The following AUTS2 variants were observed in gnomAD, a reference collection of about 807,000 sequenced individuals.
AUTS2 encodes the protein autism susceptibility gene 2 protein.
AUTS2 carries 17 observed loss-of-function variants against 112.4 expected under a neutral mutation model. The ratio of observed to expected loss-of-function variants is 0.15; its 90% CI spans 0.10 to 0.23. AUTS2 has a LOEUF of 0.23. Ranked by LOEUF, AUTS2 falls within the 10% of genes least tolerant of loss-of-function variation. AUTS2 has a pLI of 1.00. For missense variants in AUTS2, 1,510 were observed against 1,701.6 expected (o/e 0.89, Z 1.98); for synonymous variants, 751 against 702.7 (o/e 1.07, Z -1.09).
intron 14 of AUTS2, among the ~76,000 whole-genome samples, chr7:70,778,307 A>G (rs1476039617): frequency 2.0e-5 from 3 of 152,342 alleles, no homozygotes; most frequent in East Asian, 3.9e-4. Context: ...AGTAACTCCA[A>G]TAAGCTTCAC....
At chr7:69,717,475 C>T (rs1253963132) in intron 1 of AUTS2, among the ~76,000 whole-genome samples, 3 of 152,150 alleles carry the variant, frequency 2.0e-5, no homozygotes, top group African/African-American at 7.2e-5. Flanking sequence ...CTAATCTGTG[C>T]AGGCACAGAG....
intron 5 of AUTS2, among the ~76,000 whole-genome samples, chr7:70,491,609 G>T (rs1188556314): frequency 6.7e-6 from 1 of 149,298 alleles, no homozygotes; most frequent in East Asian, 2.0e-4. Flanking sequence ...GTGTGTGTGT[G>T]TGTGTGTGTG....
intron 2 of AUTS2, among the ~76,000 whole-genome samples, chr7:70,103,135 A>G (rs1804589288): frequency 1.3e-5 from 2 of 152,318 alleles, no homozygotes; most frequent in Non-Finnish European, 1.5e-5. Context: ...GAGCTATCCA[A>G]AGGAACAAAC....
chr7:70,724,774 C>G (rs1786928401), intron 6 of AUTS2, among the ~76,000 whole-genome samples: 1 of 152,146 alleles, frequency 6.6e-6, no homozygotes, highest in Non-Finnish European at 1.5e-5. Flanking sequence ...GTGTAAGGTG[C>G]TAAGGTGGTA....
At position 69,600,408 on chromosome 7, in the gene AUTS2, CGTGTGT is replaced by C. The variant is rs113179115; in HGVS notation, c.309+475_309+480del. ...TGTGCTTTCTACAGAGTCATATGTT[CGTGTGT>C]GTGTGTGTGTGTGTGTGTGTGTGTG... On this transcript the variant is annotated intron_variant, in intron 1 of 18. Transcript: ENST00000342771. Among the ~76,000 whole-genome samples, 158 of 143,390 alleles carry C rather than the reference CGTGTGT, an allele frequency of 1.1e-3. 1 individual carries two copies. Among genetic ancestry groups the C allele is most frequent in the African/African-American group, 2.3e-3 (88 of 38,690 alleles). 94.1% of individuals were successfully genotyped at this position (143,390 alleles called of 152,430 possible).
chr7:70,733,144 T>C (rs889831054), intron 6 of AUTS2, among the ~76,000 whole-genome samples: 1 of 152,210 alleles, frequency 6.6e-6, no homozygotes, highest in Non-Finnish European at 1.5e-5. Context: ...CACCGAAGTA[T>C]ATAAAAAAGT....
At chr7:69,616,488 TC>T (rs1793381780) in intron 1 of AUTS2, among the ~76,000 whole-genome samples, 1 of 152,244 alleles carries the variant, frequency 6.6e-6, no homozygotes, top group Admixed American at 6.5e-5. Flanking sequence ...ACCCCCTGAA[TC>T]CTGCCCTTTG....
chr7:70,573,564 T>TC (rs1482126210), intron 5 of AUTS2, among the ~76,000 whole-genome samples: 2 of 152,186 alleles, frequency 1.3e-5, no homozygotes, highest in African/African-American at 4.8e-5. Context: ...CATTGTGTCA[T>TC]GAAACTCAGA....
chr7:69,730,066 C>T (rs1339711001), intron 1 of AUTS2, among the ~76,000 whole-genome samples: 1 of 130,784 alleles, frequency 7.6e-6, no homozygotes, highest in Non-Finnish European at 1.5e-5. Context: ...GTCTCGAACT[C>T]CTAGGCTCAA....
At chr7:70,367,825 T>C (rs62455210) in intron 4 of AUTS2, among the ~76,000 whole-genome samples, 7,265 of 152,194 alleles carry the variant, frequency 0.048, 309 homozygotes, top group Non-Finnish European at 0.063. Flanking sequence ...TTGCTAGCTA[T>C]TATAGAAGGC....
At chr7:70,095,815 T>C (rs1804165900) in intron 2 of AUTS2, among the ~76,000 whole-genome samples, 1 of 152,138 alleles carries the variant, frequency 6.6e-6, no homozygotes, top group African/African-American at 2.4e-5. Flanking sequence ...TGGTTTGCCA[T>C]TTACGAGGAA....
Position 69,716,244 on chromosome 7 carries a change from C to CTG in AUTS2, c.309+116298_309+116299dup, listed in dbSNP as rs146299119. 1.8e-3 allele frequency among the ~76,000 whole-genome samples: 264 copies of CTG among 149,566 alleles called. 1 individual carries two copies. The highest frequency in any genetic ancestry group is 2.4e-3 in the Non-Finnish European group (158 of 66,990). On this transcript the variant is annotated intron_variant, in intron 1 of 18. Transcript: ENST00000342771. ...TGTGTGTGTGTTTGTGTGTGTGTGT[C>CTG]TGTGTGTGTGTGTGTGTATAAGTTC...
At chr7:70,625,604 C>T (rs1585398228) in intron 5 of AUTS2, among the ~76,000 whole-genome samples, 1 of 152,142 alleles carries the variant, frequency 6.6e-6, no homozygotes, top group Admixed American at 6.5e-5. Context: ...TTCTGGTAAC[C>T]GCTTGTACCA....
At position 70,095,279 on chromosome 7, in the gene AUTS2, C is replaced by T. The variant is rs540891394; in HGVS notation, c.523-22853C>T. Among the ~76,000 whole-genome samples the T allele has an allele frequency of 6.6e-5, 10 of 151,948 alleles. No individual in the cohort carries two copies. The South Asian group carries it at 1.9e-3, about 28-fold the overall frequency. ...AAGAGTGTGTGTGTGTGTGTGCGTG[C>T]GTGCGCTCACGTGTGCGTGTGCAGT... On this transcript the variant is annotated intron_variant, in intron 2 of 18. Transcript: ENST00000342771.
intron 5 of AUTS2, among the ~76,000 whole-genome samples, chr7:70,552,606 G>A (rs1003722765): frequency 3.3e-5 from 5 of 152,162 alleles, no homozygotes; most frequent in African/African-American, 9.7e-5. Flanking sequence ...GAAAATTTTC[G>A]TAAAAAAGGT....
Position 69,599,600 on chromosome 7 carries a change from G to A in AUTS2, c.-54G>A. The A allele has an allele frequency of 1.6e-6, 2 of 1,250,570 alleles. No individual in the cohort carries two copies. The highest frequency in any genetic ancestry group is 2.0e-6 in the Non-Finnish European group (2 of 998,324). The allele number at this position is 1,250,570 out of a possible 1,614,324, so 77.5% of individuals were successfully genotyped here. ...CTCGGTGTCAATTTTTTTTTGTGTG[G>A]CTGCGGCCGTAGCCTGTGGCGGGCA... On this transcript the variant is annotated 5_prime_UTR_variant, in exon 1 of 19. Coordinates refer to ENST00000342771, the MANE Select transcript of AUTS2 (RefSeq NM_015570.4). The surrounding 1 kb of genome is among the most constrained non-coding windows in gnomAD (Gnocchi z 7.0).
chr7:69,614,370 T>TCTTTTCTTTCTTTTCTTTCTTTCTTTC (rs1322536871), intron 1 of AUTS2, among the ~76,000 whole-genome samples: 9 of 28,500 alleles, frequency 3.2e-4, no homozygotes, highest in African/African-American at 5.9e-4. Flanking sequence ...CTTTCTTTTT[T>TCTTTTCTTTCTTTTCTTTCTTTCTTTC]TAAGAGATGG....
At chr7:70,077,472 C>T (rs531875071) in intron 2 of AUTS2, among the ~76,000 whole-genome samples, 8 of 152,296 alleles carry the variant, frequency 5.3e-5, no homozygotes, top group African/African-American at 1.7e-4. Context: ...GAGACCCTGT[C>T]ACGTTCACTT....
chr7:70,019,108 G>T (rs1004480092), intron 2 of AUTS2, among the ~76,000 whole-genome samples: 4 of 152,338 alleles, frequency 2.6e-5, no homozygotes, highest in East Asian at 3.9e-4. Context: ...CATGTCCTTT[G>T]CAGGAACATG....
Sources: allele counts gnomAD v4.1 joint callset (sites outside exome capture counted in the v4.1 genomes callset), GRCh38; gene constraint gnomAD v4.1.1; non-coding constraint Gnocchi (gnomAD v3.1); transcripts MANE v1.5; gene names NCBI Gene and HGNC (gene_info 2026-07-23, HGNC 2026-07-21).